ETFA: variants seen among roughly 807,000 people sequenced by gnomAD.
ETFA encodes the protein electron transfer flavoprotein subunit alpha, mitochondrial.
A neutral mutation model predicts 46.2 loss-of-function variants in ETFA; 22 were observed. That is an observed-to-expected ratio of 0.48 (90% CI 0.34 to 0.68). ETFA has a LOEUF of 0.68. Among genes scored for constraint, ETFA ranks in the 30% least tolerant of loss-of-function variants. ETFA has a pLI of 0.01. For synonymous variants in ETFA, 131 were observed against 139.9 expected (o/e 0.94, Z 0.45); for missense variants, 345 against 401.1 (o/e 0.86, Z 1.19).
rs1025785504 is a variant in ETFA, at chr15:76,251,575, G to A, written c.817-20177C>T. Among the ~76,000 whole-genome samples, 5 of 152,198 alleles carry A rather than the reference G, an allele frequency of 3.3e-5. No individual in the cohort carries two copies. The South Asian group carries it at 1.0e-3, about 31-fold the overall frequency. On this transcript the variant is annotated intron_variant, in intron 9 of 11. Transcript: ENST00000557943. ...ACAATTTTCTCTGGACAGTAGTTCT[G>A]ATAATGTGCTCAGGGCGCTAGTCAT... is the stretch of plus-strand genomic sequence containing the variant.
intron 9 of ETFA, among the ~76,000 whole-genome samples, chr15:76,255,617 G>C (rs1311632210): frequency 5.9e-5 from 9 of 152,294 alleles, no homozygotes; most frequent in South Asian, 4.1e-4. Context: ...TGCCTGACAA[G>C]TCTGTAGACA....
intron 9 of ETFA, among the ~76,000 whole-genome samples, chr15:76,234,900 CAG>C (rs2039108428): frequency 6.6e-6 from 1 of 152,204 alleles, no homozygotes; most frequent in Non-Finnish European, 1.5e-5. Flanking sequence ...TCAAAGAACT[CAG>C]GGGCTGAGGT....
chr15:76,275,882 C>T (rs1188515249), intron 8 of ETFA, among the ~76,000 whole-genome samples: 18 of 152,110 alleles, frequency 1.2e-4, no homozygotes, highest in South Asian at 2.1e-4. Context: ...ATCCTAATTC[C>T]TATCTCCTGT....
At chr15:76,222,648 G>A (rs1453062786) in intron 11 of ETFA, among the ~76,000 whole-genome samples, 1 of 152,178 alleles carries the variant, frequency 6.6e-6, no homozygotes, top group Admixed American at 6.5e-5. Flanking sequence ...AGAAATGAGA[G>A]AGAAGGGGAA....
intron 4 of ETFA, 97 bp downstream of exon 4, chr15:76,292,334 G>T: frequency 1.2e-6 from 1 of 839,192 alleles, no homozygotes; most frequent in Non-Finnish European, 2.1e-6. Context: ...GATAAATCCA[G>T]ATTGGCTACA....
At chr15:76,300,504 T>A (rs1361919640) in intron 1 of ETFA, among the ~76,000 whole-genome samples, 1 of 152,202 alleles carries the variant, frequency 6.6e-6, no homozygotes. Flanking sequence ...CCATCGTCAA[T>A]GCCAATATCC....
At chr15:76,286,560 T>A (rs2039706761) in intron 5 of ETFA, 79 bp from the exon 6 acceptor site, 1 of 860,476 alleles carries the variant, frequency 1.2e-6, no homozygotes. Context: ...TGGAATTTAC[T>A]TCACAGACAA....
At chr15:76,259,140 A>G (rs2039375940) in intron 9 of ETFA, 1 of 1,500,856 alleles carries the variant, frequency 6.7e-7, no homozygotes, top group Admixed American at 1.7e-5. Flanking sequence ...AGTGCCACCC[A>G]CTGTCCCCAT....
intron 9 of ETFA, among the ~76,000 whole-genome samples, chr15:76,252,890 C>G (rs896541992): frequency 1.5e-5 from 2 of 136,592 alleles, no homozygotes; most frequent in African/African-American, 2.6e-5. Context: ...CACACACACA[C>G]AGAGTACTTT....
At chr15:76,228,124 T>TA (rs2142110088) in intron 10 of ETFA, 1 of 373,998 alleles carries the variant, frequency 2.7e-6, no homozygotes, top group East Asian at 7.2e-5. Flanking sequence ...TAGAGGCCAC[T>TA]TAGTCAGACA....
intron 9 of ETFA, among the ~76,000 whole-genome samples, chr15:76,256,563 T>C (rs971370717): frequency 7.2e-5 from 11 of 152,238 alleles, no homozygotes; most frequent in African/African-American, 2.2e-4. Context: ...TAACAACTGA[T>C]AGTATTTCTT....
At chr15:76,297,789 T>A (rs1033845807) in intron 1 of ETFA, among the ~76,000 whole-genome samples, 2 of 152,200 alleles carry the variant, frequency 1.3e-5, no homozygotes, top group African/African-American at 4.8e-5. Flanking sequence ...ATTATATACA[T>A]CATAAAGGTA....
intron 8 of ETFA, among the ~76,000 whole-genome samples, chr15:76,282,107 T>G (rs2039660351): frequency 6.6e-6 from 1 of 152,064 alleles, no homozygotes; most frequent in Non-Finnish European, 1.5e-5. Context: ...TTTCACCACG[T>G]TGGCCAGGCT....
chr15:76,266,994 A>G (rs1260861261), intron 9 of ETFA, among the ~76,000 whole-genome samples: 1 of 152,176 alleles, frequency 6.6e-6, no homozygotes, highest in Admixed American at 6.5e-5. Context: ...GATTCATCCA[A>G]CTTTAGGCAT....
intron 1 of ETFA, among the ~76,000 whole-genome samples, chr15:76,301,894 C>G (rs1335793833): frequency 6.6e-6 from 1 of 152,130 alleles, no homozygotes; most frequent in Non-Finnish European, 1.5e-5. Flanking sequence ...AGGATCTGAA[C>G]AGGTACCTCA....
chr15:76,283,865 C>G (rs1415157513), intron 7 of ETFA, 40 bp from the exon 8 acceptor site: 1 of 1,412,908 alleles, frequency 7.1e-7, no homozygotes, highest in East Asian at 2.3e-5. Context: ...AGGCAAACAT[C>G]AAATACATTC....
rs897850902 is a variant in ETFA, at chr15:76,311,442, C to T, written c.-54G>A. ...TTACAGCAGCCCCGTGCCCGGCCAA[C>T]TGGCGCCGCCTCAGCCAGTCACCTA... On this transcript the variant is annotated 5_prime_UTR_variant, in exon 1 of 12. Coordinates refer to ENST00000557943, the MANE Select transcript of ETFA (RefSeq NM_000126.4). 8 of 1,541,510 alleles carry T rather than the reference C, an allele frequency of 5.2e-6. No individual in the cohort carries two copies. Among genetic ancestry groups the T allele is most frequent in the African/African-American group, 4.1e-5 (3 of 73,024 alleles).
intron 7 of ETFA, chr15:76,284,239 C>T (rs1246560538): frequency 1.2e-5 from 2 of 173,216 alleles, no homozygotes; most frequent in Non-Finnish European, 2.5e-5. Context: ...AGAGGAAGAA[C>T]ATTCTGCCTT....
rs2038894503 is a variant in ETFA, at chr15:76,216,235, ATAAAC to A, written c.*319_*323del. On this transcript the variant is annotated 3_prime_UTR_variant, in exon 12 of 12. Transcript: ENST00000557943. ...ACAAGAAAGGCAAAAAAATAAATAAATAAACAAAATTTTTACTCCTTTTCTTCAAT... is the reference window on the plus strand; with the variant it reads ...ACAAGAAAGGCAAAAAAATAAATAAAAAAATTTTTACTCCTTTTCTTCAAT... The A allele has an allele frequency of 4.2e-6, 1 of 239,902 alleles. No individual in the cohort carries two copies. Among genetic ancestry groups the A allele is most frequent in the African/African-American group, 2.3e-5 (1 of 43,530 alleles). 14.9% of individuals were successfully genotyped at this position (239,902 alleles called of 1,614,324 possible). A position where few individuals can be genotyped will look rare whatever the true frequency, so the allele number is the denominator to read the frequency against.
Sources: allele counts gnomAD v4.1 joint callset (sites outside exome capture counted in the v4.1 genomes callset), GRCh38; gene constraint gnomAD v4.1.1; transcripts MANE v1.5; gene names NCBI Gene and HGNC (gene_info 2026-07-23, HGNC 2026-07-21).